The following GRK4 variants were observed in gnomAD, a reference collection of about 807,000 sequenced individuals.
GRK4 encodes the protein G protein-coupled receptor kinase 4.
Under a neutral mutation model 77.9 loss-of-function variants are expected in GRK4, and 73 were observed. The ratio of observed to expected loss-of-function variants is 0.94; its 90% CI spans 0.78 to 1.14. The LOEUF (loss-of-function observed/expected upper bound fraction) is 1.14, where lower values mean the gene tolerates loss of function less well. Among genes scored for constraint, GRK4 ranks in the 50% most tolerant of loss-of-function variants. GRK4 has a pLI of 0.00. For synonymous variants in GRK4, 257 were observed against 254.4 expected (o/e 1.01, Z -0.10); for missense variants, 729 against 700.2 (o/e 1.04, Z -0.46).
chr4:3,021,686 A>G (rs1736134589), intron 9 of GRK4, among the ~76,000 whole-genome samples: 1 of 152,130 alleles, frequency 6.6e-6, no homozygotes, highest in African/African-American at 2.4e-5. Flanking sequence ...GTCTGGTGGT[A>G]TTGGACCATG....
chr4:3,017,628 C>T (rs1179306544), intron 8 of GRK4, among the ~76,000 whole-genome samples: 2 of 152,176 alleles, frequency 1.3e-5, no homozygotes, highest in African/African-American at 4.8e-5. Context: ...GGCCTCCTCT[C>T]CTCCATTCTC....
intron 2 of GRK4, among the ~76,000 whole-genome samples, chr4:2,984,942 C>T (rs533585126): frequency 4.6e-5 from 7 of 151,996 alleles, no homozygotes; most frequent in African/African-American, 1.7e-4. Context: ...CCACTATGCC[C>T]GCTCCCCATT....
chr4:2,970,561 G>C (rs1405767914), intron 1 of GRK4, among the ~76,000 whole-genome samples: 2 of 151,848 alleles, frequency 1.3e-5, no homozygotes, highest in Non-Finnish European at 2.9e-5. Flanking sequence ...GGGAGGCTGA[G>C]GCGGGAGAAT....
At chr4:3,013,632 T>A in intron 7 of GRK4, 56 bp from the exon 8 acceptor site, 5 of 1,559,212 alleles carry the variant, frequency 3.2e-6, no homozygotes, top group Non-Finnish European at 4.3e-6. Flanking sequence ...TTCCTTTGTG[T>A]GGCCTAAGAA....
At chr4:2,998,924 G>T (rs1449084397) in intron 4 of GRK4, among the ~76,000 whole-genome samples, 3 of 151,980 alleles carry the variant, frequency 2.0e-5, no homozygotes, top group Non-Finnish European at 4.4e-5. Flanking sequence ...TCTTTAAAAA[G>T]AATGTAGTTG....
Position 3,009,623 on chromosome 4 carries a change from G to T in GRK4, c.537-25G>T, listed in dbSNP as rs146552318. On this transcript the variant is annotated intron_variant, in intron 6 of 15. Transcript: ENST00000398052. ...AAAAGAACAATGCAATGTGAGACCT[G>T]AAACTTGTTTTTCTCATTGATTAGG... 1.8e-3 allele frequency: 2,910 copies of T among 1,594,360 alleles called. 47 individuals are homozygous for T. The African/African-American group carries it at 0.033, about 18-fold the overall frequency.
At chr4:3,036,699 T>C (rs1740738709) in intron 13 of GRK4, among the ~76,000 whole-genome samples, 1 of 152,226 alleles carries the variant, frequency 6.6e-6, no homozygotes, top group African/African-American at 2.4e-5. Flanking sequence ...CCTGGGTTCC[T>C]GTCCCAGAGG....
chr4:3,004,169 T>G, intron 4 of GRK4, 62 bp from the exon 5 acceptor site: 1 of 1,170,568 alleles, frequency 8.5e-7, no homozygotes, highest in South Asian at 1.3e-5. Context: ...AGCATTAGGT[T>G]CTGTTCACTA....
At chr4:2,995,779 G>A (rs534051253) in intron 4 of GRK4, among the ~76,000 whole-genome samples, 6 of 152,306 alleles carry the variant, frequency 3.9e-5, no homozygotes, top group African/African-American at 1.4e-4. Flanking sequence ...TACTGGCAGG[G>A]TTTTAAAGGC....
intron 7 of GRK4, among the ~76,000 whole-genome samples, chr4:3,010,699 G>T (rs181052554): frequency 1.3e-5 from 2 of 152,208 alleles, no homozygotes; most frequent in Admixed American, 6.5e-5. Context: ...AGCCAGGCAA[G>T]CCATTGGCAA....
chr4:3,027,784 T>C lies in GRK4; in HGVS notation c.971-128T>C, dbSNP rs13305981. The C allele has an allele frequency of 3.4e-3, 2,205 of 656,536 alleles. 20 individuals are homozygous for C. The highest frequency in any genetic ancestry group is 0.015 in the East Asian group (545 of 36,198). The allele number at this position is 656,536 out of a possible 1,614,324, so 40.7% of individuals were successfully genotyped here. On this transcript the variant is annotated intron_variant, in intron 10 of 15. Transcript: ENST00000398052. ...AAGTTAAATGCCATTTTACGTTTAC[T>C]GTTCCAGAGTATGAAATGCTATTAT...
intron 10 of GRK4, among the ~76,000 whole-genome samples, chr4:3,023,630 A>C (rs1443933740): frequency 6.6e-6 from 1 of 152,228 alleles, no homozygotes; most frequent in African/African-American, 2.4e-5. Context: ...AGACTTGTCC[A>C]AGGTTGTGTC....
chr4:2,968,128 G>A (rs1472397748), intron 1 of GRK4, among the ~76,000 whole-genome samples: 4 of 151,538 alleles, frequency 2.6e-5, no homozygotes, highest in African/African-American at 4.8e-5. Flanking sequence ...TTTTTTCCCT[G>A]TATAATATTA....
intron 12 of GRK4, among the ~76,000 whole-genome samples, chr4:3,030,724 C>T (rs1422362824): frequency 6.7e-6 from 1 of 149,552 alleles, no homozygotes; most frequent in Non-Finnish European, 1.5e-5. Context: ...AGGCTGCTGG[C>T]AAGAGCAGGA....
chr4:3,039,698 TAAAAAAAAA>T (rs10672202), intron 15 of GRK4, among the ~76,000 whole-genome samples: 1 of 115,220 alleles, frequency 8.7e-6, no homozygotes, highest in African/African-American at 3.3e-5. Context: ...AACTCTGTCT[TAAAAAAAAA>T]AAAAAAAAAA....
intron 4 of GRK4, among the ~76,000 whole-genome samples, chr4:3,000,921 A>G (rs1185408018): frequency 6.6e-6 from 1 of 151,786 alleles, no homozygotes; most frequent in East Asian, 1.9e-4. Flanking sequence ...TTCTTATGAC[A>G]GCCTTGCTGC....
chr4:2,982,207 G>C (rs1047569615), intron 1 of GRK4, among the ~76,000 whole-genome samples: 2 of 151,904 alleles, frequency 1.3e-5, no homozygotes, highest in Non-Finnish European at 2.9e-5. Flanking sequence ...AACCTGGAAG[G>C]GGGTAGGGCT....
At chr4:3,022,678 G>T (rs1168732759) in intron 10 of GRK4, among the ~76,000 whole-genome samples, 1 of 152,148 alleles carries the variant, frequency 6.6e-6, no homozygotes. Context: ...TTCAATTAAT[G>T]ATTGAGTTTT....
rs111463701 is a variant in GRK4 at position 3,039,482 on chromosome 4, G to C, written c.1683+969G>C. Among the ~76,000 whole-genome samples, 784 of 152,158 alleles carry C rather than the reference G, an allele frequency of 5.2e-3. 3 individuals are homozygous for C. Among genetic ancestry groups the C allele is most frequent in the Non-Finnish European group, 9.0e-3 (610 of 68,004 alleles). The stretch of plus-strand genomic sequence containing the variant: ...GGAGGCTGAGGAGGGTGGATCACCT[G>C]AGGTCAGGAGTTCAAGACCAGCTTA... On this transcript the variant is annotated intron_variant, in intron 15 of 15. Transcript: ENST00000398052.
Sources: allele counts gnomAD v4.1 joint callset (sites outside exome capture counted in the v4.1 genomes callset), GRCh38; gene constraint gnomAD v4.1.1; transcripts MANE v1.5; gene names NCBI Gene and HGNC (gene_info 2026-07-23, HGNC 2026-07-21).